The following LEPR variants were observed in gnomAD, a reference collection of about 807,000 sequenced individuals.
The protein encoded by LEPR is OB receptor.
Under a neutral mutation model 114.7 loss-of-function variants are expected in LEPR, and 56 were observed. That is an observed-to-expected ratio of 0.49 (90% CI 0.39 to 0.61). LEPR has a LOEUF of 0.61. LEPR is among the 20% of genes least tolerant of loss of function. LEPR has a pLI of 0.00. For synonymous variants in LEPR, 443 were observed against 461.4 expected (o/e 0.96, Z 0.51); for missense variants, 1,202 against 1,352.9 (o/e 0.89, Z 1.75).
intron 2 of LEPR, among the ~76,000 whole-genome samples, chr1:65,537,369 T>C (rs937365098): frequency 1.3e-5 from 2 of 152,190 alleles, no homozygotes; most frequent in Non-Finnish European, 2.9e-5. Context: ...CTAAAGGGTA[T>C]AACCTGACCC....
chr1:65,421,923 G>A (rs74081641), intron 1 of LEPR, among the ~76,000 whole-genome samples: 16,784 of 152,214 alleles, frequency 0.11, 1,018 homozygotes, highest in Non-Finnish European at 0.14. Context: ...TTTACAGATT[G>A]TTCAACTTTT....
chr1:65,423,715 A>G (rs1034901847), intron 1 of LEPR, among the ~76,000 whole-genome samples: 2 of 152,226 alleles, frequency 1.3e-5, no homozygotes, highest in Non-Finnish European at 2.9e-5. Flanking sequence ...CCTTCCTATT[A>G]AAGAGTCTCT....
intron 2 of LEPR, among the ~76,000 whole-genome samples, chr1:65,557,793 T>C (rs914743344): frequency 2.0e-5 from 3 of 152,198 alleles, no homozygotes; most frequent in South Asian, 2.1e-4. Flanking sequence ...TGCATGTTTC[T>C]CTCATTGAAT....
intron 2 of LEPR, among the ~76,000 whole-genome samples, chr1:65,529,485 C>T (rs1193713475): frequency 6.8e-6 from 1 of 147,800 alleles, no homozygotes; most frequent in Non-Finnish European, 1.5e-5. Flanking sequence ...CGCACCACTG[C>T]ACTCCAGCCT....
At chr1:65,623,049 G>T in intron 19 of LEPR, 68 bp downstream of exon 19, 1 of 1,443,544 alleles carries the variant, frequency 6.9e-7, no homozygotes, top group South Asian at 1.2e-5. Flanking sequence ...ATGACTTATA[G>T]AGCATTAAGC....
chr1:65,550,383 G>A (rs1652212009), intron 2 of LEPR, among the ~76,000 whole-genome samples: 1 of 152,194 alleles, frequency 6.6e-6, no homozygotes, highest in African/African-American at 2.4e-5. Flanking sequence ...AGAGGTTACT[G>A]CTGTCTTTTT....
At chr1:65,602,556 A>G (rs962986118) in intron 10 of LEPR, among the ~76,000 whole-genome samples, 1 of 152,036 alleles carries the variant, frequency 6.6e-6, no homozygotes, top group Non-Finnish European at 1.5e-5. Context: ...AAATCATTTT[A>G]TCTAAAATGA....
chr1:65,526,862 A>G (rs1650007379), intron 2 of LEPR, among the ~76,000 whole-genome samples: 1 of 152,212 alleles, frequency 6.6e-6, no homozygotes, highest in Admixed American at 6.5e-5. Flanking sequence ...CTAGTTTCAT[A>G]ATTTCATGAA....
At chr1:65,591,130 C>T (rs1655666763) in intron 5 of LEPR, among the ~76,000 whole-genome samples, 1 of 151,886 alleles carries the variant, frequency 6.6e-6, no homozygotes, top group South Asian at 2.1e-4. Flanking sequence ...TGTTCAGTTT[C>T]CAACTATTTA....
intron 19 of LEPR, among the ~76,000 whole-genome samples, chr1:65,628,402 G>A (rs534002402): frequency 1.5e-4 from 23 of 152,018 alleles, no homozygotes; most frequent in African/African-American, 2.2e-4. Context: ...CACTATTTCC[G>A]GTCCCTCCTC....
intron 2 of LEPR, among the ~76,000 whole-genome samples, chr1:65,451,112 T>A (rs1227645219): frequency 6.6e-6 from 1 of 152,180 alleles, no homozygotes; most frequent in East Asian, 1.9e-4. Flanking sequence ...TTGCCCACTT[T>A]TTGATGGGGT....
At chr1:65,629,984 T>G (rs189725824) in intron 19 of LEPR, among the ~76,000 whole-genome samples, 5 of 152,166 alleles carry the variant, frequency 3.3e-5, no homozygotes, top group African/African-American at 1.2e-4. Flanking sequence ...CTAAGAAGTA[T>G]GCGATAAGTC....
intron 2 of LEPR, among the ~76,000 whole-genome samples, chr1:65,495,165 C>T (rs181146431): frequency 8.8e-4 from 134 of 152,006 alleles, no homozygotes; most frequent in Non-Finnish European, 1.4e-3. Flanking sequence ...CCTATACATC[C>T]GATAAGGGGT....
intron 2 of LEPR, among the ~76,000 whole-genome samples, chr1:65,517,831 G>C (rs1649367664): frequency 6.6e-6 from 1 of 152,150 alleles, no homozygotes; most frequent in Admixed American, 6.5e-5. Flanking sequence ...CAATTGTTGT[G>C]AGAGTTAGAA....
chr1:65,503,264 A>G (rs1648550114), intron 2 of LEPR, among the ~76,000 whole-genome samples: 1 of 152,200 alleles, frequency 6.6e-6, no homozygotes, highest in African/African-American at 2.4e-5. Context: ...ATCAAAACCC[A>G]TAGAACTTTA....
At position 65,637,217 on chromosome 1, in the gene LEPR, G is replaced by A. The variant is rs1658748426; in HGVS notation, c.*202G>A. 5 of 501,564 alleles carry A rather than the reference G, an allele frequency of 1.0e-5. No homozygotes were observed. Among genetic ancestry groups the A allele is most frequent in the East Asian group, 3.3e-5 (1 of 30,006 alleles). The allele number at this position is 501,564 out of a possible 1,614,324, so 31.1% of individuals were successfully genotyped here. ...TTCATAAGCCTACCAATGTAGACAC[G>A]CTCTTCTATTTTATTCCCAAGCTCT... is the stretch of plus-strand genomic sequence containing the variant. On this transcript the variant is annotated 3_prime_UTR_variant, in exon 20 of 20. Transcript: ENST00000349533.
intron 2 of LEPR, among the ~76,000 whole-genome samples, chr1:65,555,660 A>G (rs763042565): frequency 1.3e-5 from 2 of 152,164 alleles, no homozygotes. Flanking sequence ...ATAATTTATT[A>G]TGGCAATAAT....
chr1:65,615,958 A>G, intron 14 of LEPR, 50 bp from the exon 15 acceptor site: 2 of 1,609,002 alleles, frequency 1.2e-6, no homozygotes, highest in Non-Finnish European at 1.7e-6. Flanking sequence ...CTCAGTTAGT[A>G]TAAAAAGCAC....
intron 2 of LEPR, among the ~76,000 whole-genome samples, chr1:65,444,827 G>A (rs888642929): frequency 1.3e-5 from 2 of 152,138 alleles, no homozygotes; most frequent in African/African-American, 4.8e-5. Context: ...TGCTCATATA[G>A]TCATTAAGAG....
Sources: gnomAD v4.1 joint callset for allele counts (sites outside exome capture counted in the v4.1 genomes callset) on GRCh38, gnomAD v4.1.1 for gene constraint, MANE v1.5 for transcripts, NCBI Gene and HGNC (gene_info 2026-07-23, HGNC 2026-07-21) for gene names.